HARBI1: variants seen among roughly 807,000 people sequenced by gnomAD.
The protein encoded by HARBI1 is putative nuclease HARBI1.
Under a neutral mutation model 25.3 loss-of-function variants are expected in HARBI1, and 15 were observed. That is an observed-to-expected ratio of 0.59 (90% confidence interval 0.40 to 0.91). The LOEUF is 0.91. HARBI1 is among the 40% of genes least tolerant of loss of function. HARBI1 has a pLI of 0.00. For synonymous variants in HARBI1, 168 were observed against 160.5 expected (o/e 1.05, Z -0.35); for missense variants, 396 against 445.8 (o/e 0.89, Z 1.01).
chr11:46,603,938 A>G, intron 2 of HARBI1, 29 bp from the exon 3 acceptor site: 1 of 1,575,032 alleles, frequency 6.3e-7, no homozygotes, highest in Non-Finnish European at 8.6e-7. Flanking sequence ...TAAATCATAA[A>G]TGACTATAAG....
chr11:46,610,236 A>G lies in HARBI1; in HGVS notation c.670+5332T>C, dbSNP rs997280033. ...TCGGTAGACTGATGTGGGAGGATCA[A>G]TTGAGCCCAGGAGGTCAAGGCTTCA... On this transcript the variant is annotated intron_variant, in intron 2 of 2. Transcript: ENST00000326737. Among the ~76,000 whole-genome samples, 9 of 152,188 alleles carry G rather than the reference A, an allele frequency of 5.9e-5. No individual in the cohort carries two copies. The South Asian group carries it at 6.2e-4, about 11-fold the overall frequency.
Position 46,603,832 on chromosome 11 carries a change from T to C in HARBI1, c.748A>G (p.Asn250Asp), listed in dbSNP as rs2044840214. The C allele has an allele frequency of 6.2e-7, 1 of 1,614,072 alleles. No individual in the cohort carries two copies. The highest frequency in any genetic ancestry group is 1.1e-5 in the South Asian group (1 of 91,094). The change falls in exon 3 of 3, where the codon AAC (asparagine) becomes GAC (aspartate). Residue 250 changes from asparagine to aspartate, a missense_variant. By Grantham distance (23) the Asn-to-Asp change is conservative (BLOSUM62 1). Transcript: ENST00000326737. ...IPETPAEYRY[N>D]MAHSATHSVI... ...CTGTGAGTTGCAGAATGGGCCATGT[T>C]ATAGCGATATTCTGCTGGAGTTTCA... is the stretch of plus-strand genomic sequence containing the variant.
intron 1 of HARBI1, 77 bp downstream of exon 1, chr11:46,617,047 T>C: frequency 1.0e-6 from 1 of 971,482 alleles, no homozygotes; most frequent in Non-Finnish European, 1.2e-6. Flanking sequence ...ACTCTGCCAC[T>C]TTTAAAGGGC....
rs778073952 is a variant in HARBI1, at chr11:46,615,850, C to A, written c.388G>T (p.Ala130Ser). 6 of 1,614,108 alleles carry A rather than the reference C, an allele frequency of 3.7e-6. No individual in the cohort carries two copies. In the African/African-American group the frequency reaches 8.0e-5, roughly 22 times the overall value. The change falls in exon 2 of 3, where the codon GCT becomes TCT. Residue 130 changes from alanine (A) to serine (S), a missense_variant. Transcript: ENST00000326737. ...RFPADEASIQ[A>S]LKDEFYGLAG... ...AACCCATAGAATTCATCCTTCAGAG[C>A]CTGAATGGAGGCTTCATCAGCTGGA...
At chr11:46,613,274 C>A (rs925255592) in intron 2 of HARBI1, among the ~76,000 whole-genome samples, 3 of 152,018 alleles carry the variant, frequency 2.0e-5, no homozygotes, top group African/African-American at 7.2e-5. Context: ...CGTGAGCCAC[C>A]ACAACTGGCC....
At chr11:46,604,147 G>A (rs2044851968) in intron 2 of HARBI1, 2 of 985,184 alleles carry the variant, frequency 2.0e-6, no homozygotes, top group African/African-American at 1.7e-5. Flanking sequence ...ACATAAAAAC[G>A]CTGGCACCTA....
intron 1 of HARBI1, chr11:46,616,762 C>T: frequency 1.0e-6 from 1 of 966,948 alleles, no homozygotes; most frequent in South Asian, 4.8e-5. Context: ...CCAAAGACTT[C>T]TGGTTTCACC....
chr11:46,609,844 A>T (rs1455085168), intron 2 of HARBI1, among the ~76,000 whole-genome samples: 2 of 148,966 alleles, frequency 1.3e-5, no homozygotes, highest in Non-Finnish European at 3.0e-5. Context: ...ATAAATAAAT[A>T]AAAGAATTTT....
At chr11:46,606,309 T>C (rs577855887) in intron 2 of HARBI1, among the ~76,000 whole-genome samples, 110 of 152,056 alleles carry the variant, frequency 7.2e-4, no homozygotes, top group Admixed American at 1.3e-3. Flanking sequence ...GCATGTACTG[T>C]GCTGGTACTT....
At position 46,603,010 on chromosome 11, in the gene HARBI1, A is replaced by C. The variant is rs1229502262; in HGVS notation, c.*520T>G. On this transcript the variant is annotated 3_prime_UTR_variant, in exon 3 of 3. Transcript: ENST00000326737. ...AGGCACCTGTCACCACGCCCAGCTAATTTTTTTGTATTTTTAGTAGAGACA... is the reference window on the plus strand; with the variant it reads ...AGGCACCTGTCACCACGCCCAGCTACTTTTTTTGTATTTTTAGTAGAGACA... The C allele has an allele frequency of 1.3e-5, 2 of 152,134 alleles. No homozygotes were observed. Among genetic ancestry groups the C allele is most frequent in the Non-Finnish European group, 2.9e-5 (2 of 68,256 alleles). 9.4% of individuals were successfully genotyped at this position (152,134 alleles called of 1,614,324 possible). A position where few individuals can be genotyped will look rare whatever the true frequency, so the allele number is the denominator to read the frequency against.
At chr11:46,606,594 G>A (rs559850177) in intron 2 of HARBI1, among the ~76,000 whole-genome samples, 16 of 152,210 alleles carry the variant, frequency 1.1e-4, no homozygotes, top group African/African-American at 3.1e-4. Context: ...GATTACAATC[G>A]TGAGCCACCA....
At chr11:46,609,850 A>ATT (rs750558478) in intron 2 of HARBI1, among the ~76,000 whole-genome samples, 135 of 124,922 alleles carry the variant, frequency 1.1e-3, no homozygotes, top group Non-Finnish European at 1.5e-3. Context: ...AAATAAAAGA[A>ATT]TTTTTTTTTT....
At position 46,615,773 on chromosome 11, in the gene HARBI1, G is replaced by C; in HGVS notation, c.465C>G (p.Ile155Met). The C allele has an allele frequency of 6.2e-7, 1 of 1,614,150 alleles. No homozygotes were observed. Among genetic ancestry groups the C allele is most frequent in the Non-Finnish European group, 8.5e-7 (1 of 1,180,036 alleles). Reference sequence around the variant, plus strand: ...AGAGGTCTTCAGCATTTGGTGCCTTGATGGCCACATGGATACAGTCAACCA... The same window carrying C: ...AGAGGTCTTCAGCATTTGGTGCCTTCATGGCCACATGGATACAGTCAACCA... The part of the protein sequence containing the change: ...MGVVDCIHVA[I>M]KAPNAEDLSY... The change falls in exon 2 of 3, where the codon ATC becomes ATG. Residue 155 changes from isoleucine (I) to methionine (M), a missense_variant. Transcript: ENST00000326737.
At chr11:46,605,599 T>C (rs1337338136) in intron 2 of HARBI1, among the ~76,000 whole-genome samples, 1 of 146,076 alleles carries the variant, frequency 6.8e-6, no homozygotes, top group Non-Finnish European at 1.5e-5. Context: ...TTTTTTTTTT[T>C]TTTTTTTTTT....
rs1007857044 is a variant in HARBI1, at chr11:46,616,727, A to G, written c.-144-346T>C. ...GACATATGTCATAACCACCTTGGGT[A>G]AGAATTGGTCACGGGTTTCATTATC... On this transcript the variant is annotated intron_variant, in intron 1 of 2. Transcript: ENST00000326737. The G allele has an allele frequency of 2.4e-5, 24 of 987,390 alleles. No homozygotes were observed. The African/African-American group carries it at 4.2e-4, about 17-fold the overall frequency. 61.2% of individuals were successfully genotyped at this position (987,390 alleles called of 1,614,324 possible).
intron 2 of HARBI1, among the ~76,000 whole-genome samples, chr11:46,607,580 G>A (rs187713743): frequency 6.6e-6 from 1 of 152,274 alleles, no homozygotes; most frequent in East Asian, 1.9e-4. Flanking sequence ...AGATATACAG[G>A]AAAAGCTAAA....
At position 46,615,827 on chromosome 11, in the gene HARBI1, C is replaced by A; in HGVS notation, c.411G>T (p.Gly137=). The A allele has an allele frequency of 2.5e-6, 4 of 1,614,210 alleles. No individual in the cohort carries two copies. Among genetic ancestry groups the A allele is most frequent in the Non-Finnish European group, 3.4e-6 (4 of 1,180,032 alleles). ...CCATCACCCCTGGCATCCCTGCCAA[C>A]CCATAGAATTCATCCTTCAGAGCCT... The part of the protein sequence containing the change: ...SIQALKDEFY[G]LAGMPGVMGV... The change falls in exon 2 of 3, where the codon GGG becomes GGT. Residue 137 remains glycine, a synonymous_variant. Transcript: ENST00000326737.
chr11:46,609,521 A>G (rs576891315), intron 2 of HARBI1, among the ~76,000 whole-genome samples: 1 of 146,748 alleles, frequency 6.8e-6, no homozygotes, highest in Non-Finnish European at 1.5e-5. Context: ...TAATTTTTGT[A>G]TATTTAGTAG....
chr11:46,606,552 G>A (rs975073876), intron 2 of HARBI1, among the ~76,000 whole-genome samples: 91 of 152,068 alleles, frequency 6.0e-4, no homozygotes, highest in African/African-American at 2.1e-3. Flanking sequence ...AACCTCAGAT[G>A]ATCCGCTCCC....
Sources: gnomAD v4.1 joint callset for allele counts (sites outside exome capture counted in the v4.1 genomes callset) on GRCh38, gnomAD v4.1.1 for gene constraint, MANE v1.5 for transcripts, NCBI Gene and HGNC (gene_info 2026-07-23, HGNC 2026-07-21) for gene names.